Variants in ESF1 observed in about 807,000 individuals in gnomAD.
The protein encoded by ESF1 is ESF1 homolog.
A neutral mutation model predicts 92.0 loss-of-function variants in ESF1; 58 were observed. The observed-to-expected ratio is 0.63, with a 90% CI of 0.51 to 0.78. ESF1 has a LOEUF of 0.78. Among genes scored for constraint, ESF1 ranks in the 30% least tolerant of loss-of-function variants. The probability of loss-of-function intolerance (pLI) is 0.00; values close to 1 mark genes in which losing one functional copy is unlikely to be tolerated. For synonymous variants in ESF1, 321 were observed against 313.7 expected (o/e 1.02, Z -0.24); for missense variants, 922 against 989.1 (o/e 0.93, Z 0.91).
In ESF1 at chr20:13,755,655, C is replaced by T. The variant is rs943698236; in HGVS notation, c.1828+4037G>A. Among the ~76,000 whole-genome samples the T allele has an allele frequency of 3.3e-5, 5 of 152,214 alleles. No individual in the cohort carries two copies. The East Asian group carries it at 5.8e-4, about 18-fold the overall frequency. ...TTTCTTTAAAAATTTTATAATTCAA[C>T]ATTTTTACTTATTTATAATCCTAAT... On this transcript the variant is annotated intron_variant, in intron 9 of 13. Transcript: ENST00000617257.
chr20:13,775,082 C>CAAAAA, intron 4 of ESF1, 75 bp downstream of exon 4: 1 of 732,110 alleles, frequency 1.4e-6, no homozygotes, highest in Non-Finnish European at 2.0e-6. Flanking sequence ...AAACTATGGC[C>CAAAAA]AAAAAAAAAA....
At chr20:13,774,699 C>CT (rs1979845476) in intron 4 of ESF1, among the ~76,000 whole-genome samples, 1 of 152,144 alleles carries the variant, frequency 6.6e-6, no homozygotes, top group African/African-American at 2.4e-5. Context: ...ATTAGGTTGG[C>CT]TTGAAATATG....
intron 9 of ESF1, among the ~76,000 whole-genome samples, chr20:13,756,720 C>T (rs1379549371): frequency 6.6e-6 from 1 of 151,958 alleles, no homozygotes; most frequent in African/African-American, 2.4e-5. Context: ...TGTAGAGTTG[C>T]TGTGTGAGCA....
intron 10 of ESF1, among the ~76,000 whole-genome samples, chr20:13,729,948 C>G (rs919782111): frequency 1.3e-5 from 2 of 152,196 alleles, no homozygotes; most frequent in Admixed American, 6.5e-5. Flanking sequence ...TCTAAAACAT[C>G]TCAAGTCATT....
intron 9 of ESF1, among the ~76,000 whole-genome samples, chr20:13,745,416 T>A (rs1265321227): frequency 6.6e-6 from 1 of 152,234 alleles, no homozygotes; most frequent in Non-Finnish European, 1.5e-5. Flanking sequence ...TACACATATA[T>A]GGATATGGCT....
chr20:13,779,258 A>G (rs1980077598), intron 2 of ESF1, among the ~76,000 whole-genome samples: 1 of 152,162 alleles, frequency 6.6e-6, no homozygotes, highest in Non-Finnish European at 1.5e-5. Flanking sequence ...TTTTCCCCCA[A>G]TTATAAACAT....
intron 8 of ESF1, among the ~76,000 whole-genome samples, chr20:13,760,274 G>A (rs184505475): frequency 0.013 from 2,009 of 149,772 alleles, 52 homozygotes; most frequent in African/African-American, 0.047. Flanking sequence ...AGTGAGGAGC[G>A]TCTCTGCCCG....
At chr20:13,742,184 T>G (rs979599307) in intron 9 of ESF1, among the ~76,000 whole-genome samples, 5 of 152,256 alleles carry the variant, frequency 3.3e-5, no homozygotes, top group Admixed American at 2.6e-4. Context: ...GTGGCCAATG[T>G]GACGAAACCC....
At chr20:13,747,439 G>A (rs1225558965) in intron 9 of ESF1, among the ~76,000 whole-genome samples, 2 of 151,824 alleles carry the variant, frequency 1.3e-5, no homozygotes, top group African/African-American at 4.8e-5. Context: ...CACACCTGTA[G>A]TCCCAGCTAC....
At chr20:13,753,401 C>A (rs1444000488) in intron 9 of ESF1, among the ~76,000 whole-genome samples, 2 of 150,112 alleles carry the variant, frequency 1.3e-5, no homozygotes, top group South Asian at 4.3e-4. Flanking sequence ...GGCCCTCCTC[C>A]CCAGTGCCTC....
chr20:13,719,012 G>A, intron 11 of ESF1, 28 bp from the exon 12 acceptor site: 2 of 1,539,410 alleles, frequency 1.3e-6, no homozygotes, highest in Non-Finnish European at 1.8e-6. Context: ...CATAAGAGTG[G>A]TAAAAATTAC....
chr20:13,739,825 T>A (rs991663477), intron 9 of ESF1, among the ~76,000 whole-genome samples: 1 of 151,438 alleles, frequency 6.6e-6, no homozygotes, highest in Non-Finnish European at 1.5e-5. Context: ...CTTATATGGA[T>A]CTTTGGTTGT....
intron 10 of ESF1, among the ~76,000 whole-genome samples, chr20:13,729,782 T>G (rs1379678899): frequency 6.6e-6 from 1 of 152,238 alleles, no homozygotes; most frequent in African/African-American, 2.4e-5. Context: ...TGTCAGGCTA[T>G]TTTTAAGTAA....
In ESF1 at chr20:13,782,512, A is replaced by C; in HGVS notation, c.629T>G (p.Met210Arg). The C allele has an allele frequency of 6.6e-7, 1 of 1,509,136 alleles. No homozygotes were observed. The highest frequency in any genetic ancestry group is 8.8e-7 in the Non-Finnish European group (1 of 1,136,564). The allele number at this position is 1,509,136 out of a possible 1,614,324, so 93.5% of individuals were successfully genotyped here. Reference protein sequence around the residue: ...RIECSKTRREMQSVVQLIMTR... With the variant: ...RIECSKTRRERQSVVQLIMTR... Reference sequence around the variant, plus strand: ...AATTTTTTCCAACCTACCTGATTGCATTTCTCTTCTTGTCTTAGAACACTC... The same window carrying C: ...AATTTTTTCCAACCTACCTGATTGCCTTTCTCTTCTTGTCTTAGAACACTC... The change falls in exon 2 of 14, where the codon ATG (methionine) becomes AGG (arginine). Residue 210 changes from methionine to arginine, a missense_variant. By Grantham distance (91) the Met-to-Arg change is moderately conservative (BLOSUM62 -1). Transcript: ENST00000617257.
At chr20:13,721,564 G>A (rs1357180909) in intron 11 of ESF1, among the ~76,000 whole-genome samples, 1 of 152,188 alleles carries the variant, frequency 6.6e-6, no homozygotes, top group Non-Finnish European at 1.5e-5. Context: ...CAGGAGAAGG[G>A]AATGGTCAAG....
Position 13,759,773 on chromosome 20 carries a change from T to A in ESF1, c.1747A>T (p.Arg583Trp), listed in dbSNP as rs746073924. The A allele has an allele frequency of 6.3e-7, 1 of 1,583,624 alleles. No homozygotes were observed. Among genetic ancestry groups the A allele is most frequent in the Non-Finnish European group, 8.5e-7 (1 of 1,172,078 alleles). ...TCTTGAATAACCTGCAAGAGCTGCC[T>A]GTATTTAGCAATTTGTTCTTCATCA... is the stretch of plus-strand genomic sequence containing the variant. ...KDDEEQIAKY[R>W]QLLQVIQEKE... Residue 583 changes from arginine to tryptophan, a missense_variant, in exon 9 of 14, where the codon AGG becomes TGG. Physicochemically the swap from Arg to Trp is moderately radical, Grantham distance 101 (BLOSUM62 -3). Coordinates refer to ENST00000617257, the MANE Select transcript of ESF1 (RefSeq NM_001276380.2).
At chr20:13,783,351 CA>C (rs1477397712) in intron 1 of ESF1, among the ~76,000 whole-genome samples, 168 bp from the exon 2 acceptor site, 2 of 152,238 alleles carry the variant, frequency 1.3e-5, no homozygotes, top group African/African-American at 4.8e-5. Context: ...GGGTCACATG[CA>C]AAAAAGCAGA....
At chr20:13,773,782 C>T (rs1381620252) in intron 4 of ESF1, among the ~76,000 whole-genome samples, 1 of 152,082 alleles carries the variant, frequency 6.6e-6, no homozygotes, top group African/African-American at 2.4e-5. Flanking sequence ...TTTATATTAG[C>T]ATGATTTCTC....
intron 9 of ESF1, among the ~76,000 whole-genome samples, chr20:13,753,231 G>A (rs1978719557): frequency 1.3e-5 from 2 of 151,752 alleles, no homozygotes; most frequent in East Asian, 1.9e-4. Context: ...TCAGTTATTA[G>A]TCATTAACAA....
Sources: gnomAD v4.1 joint callset for allele counts (sites outside exome capture counted in the v4.1 genomes callset) on GRCh38, gnomAD v4.1.1 for gene constraint, MANE v1.5 for transcripts, NCBI Gene and HGNC (gene_info 2026-07-23, HGNC 2026-07-21) for gene names.